PRELID2: variants seen among roughly 807,000 people sequenced by gnomAD.
PRELID2 encodes PRELI domain-containing protein 2.
In PRELID2, 25 loss-of-function variants were observed where a neutral mutation model predicts 28.4. The ratio of observed to expected loss-of-function variants is 0.88; its 90% confidence interval spans 0.64 to 1.23. PRELID2 has a LOEUF of 1.23. Among genes scored for constraint, PRELID2 ranks in the 50% most tolerant of loss-of-function variants. The pLI, the probability that PRELID2 is intolerant of heterozygous loss-of-function variation, is 0.00. For missense variants in PRELID2, 201 were observed against 214.4 expected, an observed-to-expected ratio of 0.94 and a Z score of 0.39; for synonymous variants, 76 against 71.6, an observed-to-expected ratio of 1.06 and a Z score of -0.31.
downstream of PRELID2, among the ~76,000 whole-genome samples, chr5:145,753,874 T>C (rs527943900): frequency 6.6e-6 from 1 of 152,342 alleles, no homozygotes; most frequent in East Asian, 1.9e-4. Flanking sequence ...AGTTAACTTC[T>C]GTCCTGAGTC....
intron 1 of PRELID2, among the ~76,000 whole-genome samples, chr5:145,706,259 C>T (rs531755308): frequency 2.6e-5 from 4 of 152,290 alleles, no homozygotes; most frequent in Non-Finnish European, 5.9e-5. Flanking sequence ...GAAGCCACAA[C>T]TATGCCACTG....
chr5:145,327,418 T>C, the PRELID2 span, among the ~76,000 whole-genome samples: 1 of 152,228 alleles, frequency 6.6e-6, no homozygotes, highest in African/African-American at 2.4e-5. Flanking sequence ...TTTTGTACGA[T>C]ATAATTAAAG....
At chr5:145,789,179 T>A (rs998017092) in intron 5 of PRELID2, among the ~76,000 whole-genome samples, 2 of 152,004 alleles carry the variant, frequency 1.3e-5, no homozygotes, top group Non-Finnish European at 2.9e-5. Flanking sequence ...ACAAAAGACC[T>A]CAAATAACCA....
chr5:145,437,809 C>T, the PRELID2 span, among the ~76,000 whole-genome samples: 1 of 152,124 alleles, frequency 6.6e-6, no homozygotes, highest in Non-Finnish European at 1.5e-5. Context: ...TGTGAGAACT[C>T]ATGCTGCTAT....
chr5:145,344,680 G>A, the PRELID2 span, among the ~76,000 whole-genome samples: 2 of 151,966 alleles, frequency 1.3e-5, no homozygotes, highest in African/African-American at 4.8e-5. Flanking sequence ...TGCGTGAGAG[G>A]GATGCTCCTG....
At chr5:145,671,961 A>G (rs924033236) in intron 1 of PRELID2, among the ~76,000 whole-genome samples, 2 of 152,180 alleles carry the variant, frequency 1.3e-5, no homozygotes, top group African/African-American at 4.8e-5. Flanking sequence ...AAAAATTATA[A>G]TAATGGTAAA....
At chr5:145,469,902 G>T (rs1166507086), downstream of PRELID2, among the ~76,000 whole-genome samples, 11 of 152,080 alleles carry the variant, frequency 7.2e-5, no homozygotes. Flanking sequence ...CAGCTGAGGT[G>T]TCCCAAATAA....
the PRELID2 span, among the ~76,000 whole-genome samples, chr5:145,305,939 A>G: frequency 6.6e-6 from 1 of 152,204 alleles, no homozygotes; most frequent in African/African-American, 2.4e-5. Context: ...GCTGTAGGGT[A>G]TGACAGGATT....
At chr5:145,493,551 C>T (rs1752285988) in intron 1 of PRELID2, among the ~76,000 whole-genome samples, 1 of 152,140 alleles carries the variant, frequency 6.6e-6, no homozygotes, top group East Asian at 1.9e-4. Flanking sequence ...GGTCTTCCTA[C>T]CTGTACCCCC....
At chr5:145,817,403 T>C (rs1303842160) in intron 4 of PRELID2, among the ~76,000 whole-genome samples, 2 of 101,716 alleles carry the variant, frequency 2.0e-5, no homozygotes, top group African/African-American at 6.9e-5. Flanking sequence ...TTATATGCAA[T>C]AAAGGAATAA....
At chr5:145,827,535 T>C (rs551297652) in intron 1 of PRELID2, among the ~76,000 whole-genome samples, 1 of 152,308 alleles carries the variant, frequency 6.6e-6, no homozygotes, top group East Asian at 1.9e-4. Context: ...AAGATCCTTC[T>C]GGCCAGGAAA....
chr5:145,289,652 T>G, the PRELID2 span, among the ~76,000 whole-genome samples: 1 of 152,166 alleles, frequency 6.6e-6, no homozygotes, highest in Non-Finnish European at 1.5e-5. Context: ...AAGACTATAT[T>G]TAGTTTTGTA....
At chr5:145,762,614 CAT>C (rs1016280732) in intron 6 of PRELID2, among the ~76,000 whole-genome samples, 3 of 152,108 alleles carry the variant, frequency 2.0e-5, no homozygotes, top group African/African-American at 7.2e-5. Context: ...TTAATTTACT[CAT>C]ATTCACTACC....
At chr5:145,487,989 T>C (rs1473311431) in intron 1 of PRELID2, among the ~76,000 whole-genome samples, 2 of 151,420 alleles carry the variant, frequency 1.3e-5, no homozygotes, top group Non-Finnish European at 2.9e-5. Context: ...CCGGGCGTGA[T>C]GGTGCATACC....
At chr5:145,381,952 C>T in the PRELID2 span, among the ~76,000 whole-genome samples, 1,586 of 137,434 alleles carry the variant, frequency 0.012, 25 homozygotes, top group African/African-American at 0.04. Flanking sequence ...CCTGGGATTA[C>T]TTAGTTTTTT....
intron 1 of PRELID2, among the ~76,000 whole-genome samples, chr5:145,510,482 A>C (rs1752451888): frequency 6.6e-6 from 1 of 152,124 alleles, no homozygotes; most frequent in African/African-American, 2.4e-5. Flanking sequence ...TCTTGCCTGG[A>C]TCTTATTCAG....
intron 4 of PRELID2, among the ~76,000 whole-genome samples, chr5:145,803,011 C>G (rs1753241439): frequency 6.6e-6 from 1 of 152,098 alleles, no homozygotes; most frequent in African/African-American, 2.4e-5. Flanking sequence ...CAAATCTTGC[C>G]TAATTGTTTT....
At chr5:145,534,670 T>C (rs141099481) in intron 1 of PRELID2, among the ~76,000 whole-genome samples, 75 of 152,050 alleles carry the variant, frequency 4.9e-4, no homozygotes, top group African/African-American at 1.6e-3. Flanking sequence ...ACGTAATAAA[T>C]GCAATTTATC....
At chr5:145,230,759 T>C in the PRELID2 span, among the ~76,000 whole-genome samples, 1 of 152,044 alleles carries the variant, frequency 6.6e-6, no homozygotes, top group Admixed American at 6.5e-5. Flanking sequence ...GGCTCAGAGA[T>C]TTTTCAAGAG....
Sources: allele counts gnomAD v4.1 joint callset (sites outside exome capture counted in the v4.1 genomes callset), GRCh38; gene constraint gnomAD v4.1.1; transcripts MANE v1.5; gene names NCBI Gene and HGNC (gene_info 2026-07-23, HGNC 2026-07-21).